Variants in ZNF587B observed in about 807,000 individuals in gnomAD.
ZNF587B encodes the protein zinc finger protein 587B.
In ZNF587B, 6 loss-of-function variants were observed where a neutral mutation model predicts 7.2. That is an observed-to-expected ratio of 0.83 (90% confidence interval 0.46 to 1.65). The LOEUF is 1.65. ZNF587B is among the 40% of genes most tolerant of loss of function. The pLI is 0.01. For missense variants in ZNF587B, 749 were observed against 761.0 expected, an observed-to-expected ratio of 0.98 and a Z score of 0.19; for synonymous variants, 274 against 254.3, an observed-to-expected ratio of 1.08 and a Z score of -0.74.
Position 57,843,446 on chromosome 19 carries a change from C to T in ZNF587B, c.*870C>T, listed in dbSNP as rs1016950116. The T allele has an allele frequency of 6.1e-6, 6 of 985,240 alleles. No homozygotes were observed. Among genetic ancestry groups the T allele is most frequent in the Admixed American group, 1.2e-4 (2 of 16,254 alleles). The allele number at this position is 985,240 out of a possible 1,614,324, so 61.0% of individuals were successfully genotyped here. ...GTGACTGCCACTTATCTGGCAAAAG[C>T]CATTACATCTCAGCTACTTGGTAGG... On this transcript the variant is annotated 3_prime_UTR_variant, in exon 3 of 3. Coordinates refer to ENST00000594901, the MANE Select transcript of ZNF587B (RefSeq NM_001376223.1).
At chr19:57,838,118 C>A (rs1988698420) in intron 1 of ZNF587B, among the ~76,000 whole-genome samples, 1 of 151,690 alleles carries the variant, frequency 6.6e-6, no homozygotes, top group Non-Finnish European at 1.5e-5. Flanking sequence ...ACCAGCCTGG[C>A]CAACATGGTG....
Position 57,831,063 on chromosome 19 carries a change from A to G in ZNF587B, c.36+499A>G, listed in dbSNP as rs150405459. On this transcript the variant is annotated intron_variant, in intron 1 of 2. Transcript: ENST00000594901. ...AGATGGGGGGCTTTGGGCGTTATCA[A>G]TCAGACGAATTCCTGGGAACTGCGG... 4.6e-3 allele frequency among the ~76,000 whole-genome samples: 698 copies of G among 152,340 alleles called. 12 individuals are homozygous for G. Among genetic ancestry groups the G allele is most frequent in the African/African-American group, 0.015 (639 of 41,586 alleles).
chr19:57,831,792 C>T (rs184700770), intron 1 of ZNF587B, among the ~76,000 whole-genome samples: 5 of 151,838 alleles, frequency 3.3e-5, no homozygotes, highest in South Asian at 2.1e-4. Context: ...GCAACCTCCG[C>T]CTGCCGGGTT....
chr19:57,841,468 G>T lies in ZNF587B; in HGVS notation c.794G>T (p.Ser265Ile). 6.3e-7 allele frequency: 1 copy of T among 1,584,586 alleles called. No homozygotes were observed. Among genetic ancestry groups the T allele is most frequent in the Non-Finnish European group, 8.6e-7 (1 of 1,164,398 alleles). Reference protein sequence around the residue: ...VSFSNHQRVHSGKRPYECGEC... With the variant: ...VSFSNHQRVHIGKRPYECGEC... ...TTCAGTAATCATCAGAGAGTTCACA[G>T]TGGAAAAAGACCTTATGAATGTGGA... The change falls in exon 3 of 3, where the codon AGT becomes ATT. Residue 265 changes from serine to isoleucine, a missense_variant. Transcript: ENST00000594901.
chr19:57,831,363 G>A lies in ZNF587B; in HGVS notation c.36+799G>A, dbSNP rs114914398. ...GAACTGATAGTGGAACAGTGTGCTC[G>A]TTGGTGACCTTACCTCGTTAGATGC... is the stretch of plus-strand genomic sequence containing the variant. On this transcript the variant is annotated intron_variant, in intron 1 of 2. Coordinates refer to ENST00000594901, the MANE Select transcript of ZNF587B (RefSeq NM_001376223.1). Among the ~76,000 whole-genome samples the A allele has an allele frequency of 4.8e-3, 728 of 152,298 alleles. 9 individuals are homozygous for A. Among genetic ancestry groups the A allele is most frequent in the African/African-American group, 0.017 (698 of 41,564 alleles).
In ZNF587B at chr19:57,842,122, T is replaced by A; in HGVS notation, c.1448T>A (p.Val483Glu). The A allele has an allele frequency of 6.2e-7, 1 of 1,610,030 alleles. No individual in the cohort carries two copies. The highest frequency in any genetic ancestry group is 8.5e-7 in the Non-Finnish European group (1 of 1,177,850). Residue 483 changes from valine (V) to glutamate (E), a missense_variant, in exon 3 of 3, where the codon GTA becomes GAA. Coordinates refer to ENST00000594901, the MANE Select transcript of ZNF587B (RefSeq NM_001376223.1). The part of the protein sequence containing the change: ...KLFKKKSHLL[V>E]HQRIHSGEKP... ...TTTAAGAAGAAGTCTCACCTCCTTGTACACCAGAGAATTCACAGTGGAGAG... is the reference window on the plus strand; with the variant it reads ...TTTAAGAAGAAGTCTCACCTCCTTGAACACCAGAGAATTCACAGTGGAGAG...
In ZNF587B at chr19:57,837,069, A is replaced by G. The variant is rs191261690; in HGVS notation, c.37-1954A>G. 2.6e-5 allele frequency among the ~76,000 whole-genome samples: 4 copies of G among 151,462 alleles called. No homozygotes were observed. The East Asian group carries it at 7.8e-4, about 29-fold the overall frequency. ...ATAGTTTGTAGTGAGTTTCAATTCCATTTTTATCTCCAGAGTTATTCAAAT... is the reference window on the plus strand; with the variant it reads ...ATAGTTTGTAGTGAGTTTCAATTCCGTTTTTATCTCCAGAGTTATTCAAAT... On this transcript the variant is annotated intron_variant, in intron 1 of 2. Transcript: ENST00000594901.
rs771371494 is a variant in ZNF587B, at chr19:57,843,600, GTT to G, written c.*1043_*1044del. 8,163 of 639,462 alleles carry G rather than the reference GTT, an allele frequency of 0.013. No homozygotes were observed. The highest frequency in any genetic ancestry group is 0.018 in the Middle Eastern group (22 of 1,234). The allele number at this position is 639,462 out of a possible 1,614,324, so 39.6% of individuals were successfully genotyped here. ...GTTGGTTGGTTGGTTGTTTTTTTTT[GTT>G]TTTTTTTTTTTTTTTTTTGGAGACA... On this transcript the variant is annotated 3_prime_UTR_variant, in exon 3 of 3. Coordinates refer to ENST00000594901, the MANE Select transcript of ZNF587B (RefSeq NM_001376223.1).
At chr19:57,837,836 C>T (rs986169862) in intron 1 of ZNF587B, among the ~76,000 whole-genome samples, 1 of 152,072 alleles carries the variant, frequency 6.6e-6, no homozygotes, top group Non-Finnish European at 1.5e-5. Flanking sequence ...CCACCCGGCT[C>T]AGCCTCCTAA....
At position 57,830,393 on chromosome 19, in the gene ZNF587B, C is replaced by A; in HGVS notation, c.-136C>A. On this transcript the variant is annotated 5_prime_UTR_variant, in exon 1 of 3. The change creates a new upstream start codon in the 5' untranslated region. Transcript: ENST00000594901. The stretch of plus-strand genomic sequence containing the variant: ...GAAGGCGGAGAACAGTTGTCCTCTG[C>A]TGCACAGAGGCGACTCTGGAGCTCT... 1.1e-6 allele frequency: 1 copy of A among 895,862 alleles called. No individual in the cohort carries two copies. The highest frequency in any genetic ancestry group is 1.7e-6 in the Non-Finnish European group (1 of 581,460). The allele number at this position is 895,862 out of a possible 1,614,324, so 55.5% of individuals were successfully genotyped here.
In ZNF587B at chr19:57,842,170, G is replaced by A; in HGVS notation, c.1496G>A (p.Cys499Tyr). 1 of 1,612,978 alleles carries A rather than the reference G, an allele frequency of 6.2e-7. No homozygotes were observed. Among genetic ancestry groups the A allele is most frequent in the South Asian group, 1.1e-5 (1 of 90,866 alleles). ...GAGAAGCCATATGCTTGTGAGGCTT[G>A]TCAGAAATTTTTTAGGCACAAGTGC... is the stretch of plus-strand genomic sequence containing the variant. ...SGEKPYACEACQKFFRHKCHL... is the reference protein window; with the variant it reads ...SGEKPYACEAYQKFFRHKCHL... The change falls in exon 3 of 3, where the codon TGT (cysteine) becomes TAT (tyrosine). Residue 499 changes from cysteine (C) to tyrosine (Y), a missense_variant. Transcript: ENST00000594901.
intron 2 of ZNF587B, among the ~76,000 whole-genome samples, chr19:57,840,114 C>CAAAAAAAA (rs1988783402): frequency 9.0e-6 from 1 of 111,290 alleles, no homozygotes; most frequent in African/African-American, 3.1e-5. Context: ...AAAAAAAAAG[C>CAAAAAAAA]AGCACCCTGG....
intron 2 of ZNF587B, 65 bp from the exon 3 acceptor site, chr19:57,840,773 T>G: frequency 1.2e-6 from 2 of 1,603,566 alleles, no homozygotes; most frequent in South Asian, 2.2e-5. Context: ...CACATACACT[T>G]GTGGGTGGTC....
intron 1 of ZNF587B, among the ~76,000 whole-genome samples, chr19:57,837,205 G>C (rs1988650682): frequency 6.6e-6 from 1 of 151,782 alleles, no homozygotes; most frequent in Non-Finnish European, 1.5e-5. Context: ...CAACCCCCAT[G>C]TGGCTCTTTG....
In ZNF587B at chr19:57,842,558, T is replaced by C; in HGVS notation, c.1884T>C (p.His628=). 4 of 1,526,194 alleles carry C rather than the reference T, an allele frequency of 2.6e-6. No individual in the cohort carries two copies. The highest frequency in any genetic ancestry group is 3.5e-6 in the Non-Finnish European group (4 of 1,144,184). 94.5% of individuals were successfully genotyped at this position (1,526,194 alleles called of 1,614,324 possible). A position where few individuals can be genotyped will look rare whatever the true frequency, so the allele number is the denominator to read the frequency against. The stretch of plus-strand genomic sequence containing the variant: ...CACTTCGTTACCATCAGAGAGTTCA[T>C]GAAAGAAAGGCCTTATGAGTGCAGA... ...SSSLRYHQRV[H]ERKAL is the part of the protein sequence containing the mutation. Residue 628 remains histidine (H), a synonymous_variant, in exon 3 of 3, where the codon CAT becomes CAC. Coordinates refer to ENST00000594901, the MANE Select transcript of ZNF587B (RefSeq NM_001376223.1).
intron 1 of ZNF587B, among the ~76,000 whole-genome samples, chr19:57,831,092 T>A (rs1988370165): frequency 6.6e-6 from 1 of 152,186 alleles, no homozygotes; most frequent in African/African-American, 2.4e-5. Flanking sequence ...ACTGCGGATA[T>A]AGCTCGCCAC....
intron 2 of ZNF587B, among the ~76,000 whole-genome samples, chr19:57,839,370 CCA>C (rs1234425639): frequency 6.6e-6 from 1 of 152,148 alleles, no homozygotes; most frequent in Non-Finnish European, 1.5e-5. Context: ...GGAGGGATTC[CCA>C]GTCAGAAGCC....
Position 57,843,553 on chromosome 19 carries a change from A to C in ZNF587B, c.*977A>C. 1 of 945,038 alleles carries C rather than the reference A, an allele frequency of 1.1e-6. No individual in the cohort carries two copies. Among genetic ancestry groups the C allele is most frequent in the Non-Finnish European group, 1.2e-6 (1 of 812,662 alleles). The allele number at this position is 945,038 out of a possible 1,614,324, so 58.5% of individuals were successfully genotyped here. A position where few individuals can be genotyped will look rare whatever the true frequency, so the allele number is the denominator to read the frequency against. ...CCCATTCACGAGAGATTTTTTTTTTAAGTTTTTTGTTTGGTTGGTTGGTTG... is the reference window on the plus strand; with the variant it reads ...CCCATTCACGAGAGATTTTTTTTTTCAGTTTTTTGTTTGGTTGGTTGGTTG... On this transcript the variant is annotated 3_prime_UTR_variant, in exon 3 of 3. Transcript: ENST00000594901.
rs573485099 is a variant in ZNF587B at position 57,841,192 on chromosome 19, G to C, written c.518G>C (p.Ser173Thr). 77 of 1,614,200 alleles carry C rather than the reference G, an allele frequency of 4.8e-5. 1 individual carries two copies. The South Asian group carries it at 8.0e-4, about 17-fold the overall frequency. ...GTGTCAGGGGAGTCATCTGTCTTCA[G>C]TGAGAGTGGGAAGGACTTTTTGCCC... Reference protein sequence around the residue: ...LHVSGESSVFSESGKDFLPRS... With the variant: ...LHVSGESSVFTESGKDFLPRS... The change falls in exon 3 of 3, where the codon AGT (serine) becomes ACT (threonine). Residue 173 changes from serine to threonine, a missense_variant. Transcript: ENST00000594901.
Sources: gnomAD v4.1 joint callset for allele counts (sites outside exome capture counted in the v4.1 genomes callset) on GRCh38, gnomAD v4.1.1 for gene constraint, MANE v1.5 for transcripts, NCBI Gene and HGNC (gene_info 2026-07-23, HGNC 2026-07-21) for gene names.